Variants in NCOR1 observed in about 807,000 individuals in gnomAD.
NCOR1 encodes protein phosphatase 1, regulatory subunit 109.
NCOR1 carries 63 observed loss-of-function variants against 288.1 expected under a neutral mutation model. The ratio of observed to expected loss-of-function variants is 0.22; its 90% CI spans 0.18 to 0.27. The LOEUF (loss-of-function observed/expected upper bound fraction) is 0.27. NCOR1 is among the 10% of genes least tolerant of loss of function. The pLI, the probability that NCOR1 is intolerant of heterozygous loss-of-function variation, is 1.00. For missense variants in NCOR1, 2,397 were observed against 3,019.2 expected (o/e 0.79, Z 4.83); for synonymous variants, 1,007 against 1,065.9 (o/e 0.94, Z 1.08).
intron 40 of NCOR1, among the ~76,000 whole-genome samples, chr17:16,054,225 G>C (rs1042494748): frequency 1.3e-5 from 2 of 152,092 alleles, no homozygotes; most frequent in Non-Finnish European, 2.9e-5. Flanking sequence ...AATTTAAAGA[G>C]CTTCTGCACA....
In NCOR1 at chr17:16,151,536, T is replaced by C. The variant is rs898260395; in HGVS notation, c.842+410A>G. ...CTACTTTGCAATGGCAGATGTGGCT[T>C]GGTGGGGGACGGTGTCATCACTAGT... On this transcript the variant is annotated intron_variant, in intron 8 of 45. Coordinates refer to ENST00000268712, the MANE Select transcript of NCOR1 (RefSeq NM_006311.4). 9 of 1,254,514 alleles carry C rather than the reference T, an allele frequency of 7.2e-6. No homozygotes were observed. In the African/African-American group the frequency reaches 1.2e-4, roughly 17 times the overall value. The allele number at this position is 1,254,514 out of a possible 1,614,324, so 77.7% of individuals were successfully genotyped here.
intron 22 of NCOR1, chr17:16,087,064 A>G: frequency 2.5e-6 from 2 of 801,678 alleles, no homozygotes; most frequent in Non-Finnish European, 3.5e-6. Flanking sequence ...ATTCTGAAAC[A>G]GCAAGGACAC....
intron 23 of NCOR1, among the ~76,000 whole-genome samples, chr17:16,081,516 T>C (rs2063411352): frequency 6.6e-6 from 1 of 152,110 alleles, no homozygotes; most frequent in African/African-American, 2.4e-5. Context: ...CACTCAATCA[T>C]AGTGCAAACC....
chr17:16,140,439 G>A (rs1306892464), intron 11 of NCOR1, among the ~76,000 whole-genome samples: 1 of 152,156 alleles, frequency 6.6e-6, no homozygotes, highest in African/African-American at 2.4e-5. Flanking sequence ...CAAGGCAGAA[G>A]GACTGCTTGA....
chr17:16,037,205 T>C (rs2056577168), intron 44 of NCOR1, among the ~76,000 whole-genome samples: 1 of 152,190 alleles, frequency 6.6e-6, no homozygotes, highest in Admixed American at 6.5e-5. Flanking sequence ...TGCCATCTTA[T>C]ACAGGTGCTC....
At chr17:16,125,008 T>C (rs1694789202) in intron 15 of NCOR1, among the ~76,000 whole-genome samples, 2 of 152,236 alleles carry the variant, frequency 1.3e-5, no homozygotes, top group African/African-American at 4.8e-5. Flanking sequence ...AGTCAAAAAT[T>C]ACATTTACTG....
chr17:16,047,989 A>G (rs919304635), intron 41 of NCOR1, among the ~76,000 whole-genome samples: 2 of 152,244 alleles, frequency 1.3e-5, no homozygotes, highest in East Asian at 1.9e-4. Flanking sequence ...ATTTCATTGA[A>G]AAGTAGCAAT....
chr17:16,092,448 C>T (rs8064702), intron 21 of NCOR1, among the ~76,000 whole-genome samples: 80,395 of 151,252 alleles, frequency 0.53, 21,756 homozygotes, highest in Middle Eastern at 0.62. Flanking sequence ...GATTGCACCA[C>T]TGCACTCCAG....
In NCOR1 at chr17:16,121,204, G is replaced by A. The variant is rs780814332; in HGVS notation, c.1700C>T (p.Ala567Val). Residue 567 changes from alanine to valine, a missense_variant, in exon 16 of 46, where the codon GCC becomes GTC. Physicochemically the swap from Ala to Val is moderately conservative, Grantham distance 64 (BLOSUM62 0). This residue lies in a region of NCOR1 where 113 missense variants were observed against 139.5 expected (regional missense o/e 0.81). Transcript: ENST00000268712. ...GGCAGTCTTTCGCCCCCGGGGTGTG[G>A]CTTGCTCTCTTTCCTCAGTTTCTTC... is the stretch of plus-strand genomic sequence containing the variant. ...TAEETEEREQ[A>V]TPRGRKTANS... The A allele has an allele frequency of 6.2e-7, 1 of 1,613,990 alleles. No individual in the cohort carries two copies. Among genetic ancestry groups the A allele is most frequent in the Non-Finnish European group, 8.5e-7 (1 of 1,180,012 alleles).
In NCOR1 at chr17:16,137,292, T is replaced by G; in HGVS notation, c.1509+19A>C. On this transcript the variant is annotated intron_variant, in intron 14 of 45. Transcript: ENST00000268712. ...TCCCCCAATCCTGAAATATCTTCCA[T>G]ACAAGTAAGAAAACACACCTGGTTT... is the stretch of plus-strand genomic sequence containing the variant. 6.5e-7 allele frequency: 1 copy of G among 1,527,084 alleles called. No homozygotes were observed. 94.6% of individuals were successfully genotyped at this position (1,527,084 alleles called of 1,614,324 possible).
At chr17:16,131,123 G>GATTACACTAC (rs2075566060) in intron 14 of NCOR1, among the ~76,000 whole-genome samples, 1 of 151,964 alleles carries the variant, frequency 6.6e-6, no homozygotes, top group South Asian at 2.1e-4. Flanking sequence ...GAATAGCTGG[G>GATTACACTAC]ATTACACTAC....
At chr17:16,177,408 G>GGCTGGTCTC (rs1329789382) in intron 3 of NCOR1, among the ~76,000 whole-genome samples, 1 of 150,294 alleles carries the variant, frequency 6.7e-6, no homozygotes, top group African/African-American at 2.5e-5. Flanking sequence ...TTCTTTTCCA[G>GGCTGGTCTC]GAATATATTC....
At chr17:16,064,506 G>A (rs1316184975) in intron 34 of NCOR1, among the ~76,000 whole-genome samples, 1 of 151,964 alleles carries the variant, frequency 6.6e-6, no homozygotes, top group Non-Finnish European at 1.5e-5. Flanking sequence ...CAGAGGCTGA[G>A]GCACGAGAAT....
intron 13 of NCOR1, chr17:16,137,711 C>T (rs982736737): frequency 4.3e-6 from 1 of 231,716 alleles, no homozygotes; most frequent in African/African-American, 2.3e-5. Flanking sequence ...TACATACATG[C>T]AAATTTTTAA....
At position 16,127,396 on chromosome 17, in the gene NCOR1, TGTGTATATGTGTATGTATATATAC is replaced by T. The variant is rs1341995070; in HGVS notation, c.1510-1214_1510-1191del. Among the ~76,000 whole-genome samples the T allele has an allele frequency of 1.8e-3, 208 of 112,630 alleles. 13 individuals carry two copies. The highest frequency in any genetic ancestry group is 8.0e-3 in the African/African-American group (197 of 24,642). 73.9% of individuals were successfully genotyped at this position (112,630 alleles called of 152,430 possible). A position where few individuals can be genotyped will look rare whatever the true frequency, so the allele number is the denominator to read the frequency against. On this transcript the variant is annotated intron_variant, in intron 14 of 45. Coordinates refer to ENST00000268712, the MANE Select transcript of NCOR1 (RefSeq NM_006311.4). ...ATGTATATATGTATGTATATATACA[TGTGTATATGTGTATGTATATATAC>T]ATGTGTATATGTGTATGTATATATG...
chr17:16,082,808 A>G (rs1193096556), intron 23 of NCOR1, among the ~76,000 whole-genome samples: 1 of 151,742 alleles, frequency 6.6e-6, no homozygotes, highest in African/African-American at 2.4e-5. Flanking sequence ...ATTAAAAAGA[A>G]CAAAATAGAA....
At chr17:16,034,631 G>T in intron 45 of NCOR1, 134 bp downstream of exon 45, 1 of 815,750 alleles carries the variant, frequency 1.2e-6, no homozygotes, top group Non-Finnish European at 1.9e-6. Flanking sequence ...TCGGGAAAGT[G>T]GAACATATTA....
At chr17:16,053,993 CAGA>C (rs2059609233) in intron 40 of NCOR1, among the ~76,000 whole-genome samples, 1 of 143,576 alleles carries the variant, frequency 7.0e-6, no homozygotes, top group Admixed American at 7.3e-5. Context: ...CTATCACATG[CAGA>C]AGACTGAAAC....
chr17:16,189,137 TAATCTTAGCACATTGGG>T, intron 2 of NCOR1, among the ~76,000 whole-genome samples: 1 of 147,130 alleles, frequency 6.8e-6, no homozygotes, highest in East Asian at 1.9e-4. Flanking sequence ...CTCACACCTG[TAATCTTAGCACATTGGG>T]AGGCCAAGGT....
Sources: allele counts gnomAD v4.1 joint callset (sites outside exome capture counted in the v4.1 genomes callset), GRCh38; gene constraint gnomAD v4.1.1; regional missense constraint gnomAD v4.1.1; transcripts MANE v1.5; gene names NCBI Gene and HGNC (gene_info 2026-07-23, HGNC 2026-07-21).